Variants in RPS6KB1 observed in about 807,000 individuals in gnomAD.
RPS6KB1 encodes the protein ribosomal protein S6 kinase B1.
RPS6KB1 carries 12 observed loss-of-function variants against 70.2 expected under a neutral mutation model. The ratio of observed to expected loss-of-function variants is 0.17; its 90% CI spans 0.11 to 0.28. RPS6KB1 has a LOEUF of 0.28. Among genes scored for constraint, RPS6KB1 ranks in the 10% least tolerant of loss-of-function variants. The probability of loss-of-function intolerance (pLI) is 1.00; values close to 1 mark genes in which losing one functional copy is unlikely to be tolerated. For synonymous variants in RPS6KB1, 175 were observed against 211.2 expected (o/e 0.83, Z 1.49); for missense variants, 270 against 646.6 (o/e 0.42, Z 6.32).
At chr17:59,904,371 G>A (rs758099601) in intron 1 of RPS6KB1, among the ~76,000 whole-genome samples, 3 of 150,486 alleles carry the variant, frequency 2.0e-5, no homozygotes, top group Non-Finnish European at 3.0e-5. Flanking sequence ...GAGCCACTGC[G>A]CACAGCCCGG....
intron 4 of RPS6KB1, among the ~76,000 whole-genome samples, 165 bp downstream of exon 4, chr17:59,914,868 C>T (rs1394258514): frequency 6.6e-6 from 1 of 152,160 alleles, no homozygotes; most frequent in Non-Finnish European, 1.5e-5. Flanking sequence ...GTGGTGCACA[C>T]CTGTGGTCCC....
chr17:59,929,999 T>A (rs2043845711), intron 5 of RPS6KB1, 118 bp from the exon 6 acceptor site: 1 of 639,662 alleles, frequency 1.6e-6, no homozygotes, highest in Non-Finnish European at 2.8e-6. Context: ...CTGTTTTTCA[T>A]TTTTAAGGGG....
intron 2 of RPS6KB1, among the ~76,000 whole-genome samples, chr17:59,911,513 A>G (rs2042631364): frequency 7.6e-6 from 1 of 131,046 alleles, no homozygotes; most frequent in Admixed American, 8.1e-5. Flanking sequence ...GGAGCGCACC[A>G]CCACACCTGG....
chr17:59,936,659 A>C, intron 12 of RPS6KB1, 118 bp downstream of exon 12: 1 of 809,662 alleles, frequency 1.2e-6, no homozygotes, highest in Non-Finnish European at 2.1e-6. Flanking sequence ...CAGCATGGGC[A>C]ACATAACAAG....
At chr17:59,930,522 T>G (rs1598785036) in intron 6 of RPS6KB1, 1 of 203,720 alleles carries the variant, frequency 4.9e-6, no homozygotes, top group East Asian at 1.3e-4. Context: ...ATCATCCCTT[T>G]TTTTTTAGGC....
chr17:59,946,538 C>T lies in RPS6KB1; in HGVS notation c.1341-13C>T, dbSNP rs2044934692. On this transcript the variant is annotated splice_polypyrimidine_tract_variant and intron_variant, in intron 14 of 14. Transcript: ENST00000225577. The surrounding 1 kb of genome is among the most constrained non-coding windows in gnomAD (Gnocchi z 4.2). ...CTTAAGCAAATGAATGATAGCTCTT[C>T]CTTGTCTTAAAGCCCAGTCAAATTT... is the stretch of plus-strand genomic sequence containing the variant. 2 of 1,604,754 alleles carry T rather than the reference C, an allele frequency of 1.2e-6. No homozygotes were observed. Among genetic ancestry groups the T allele is most frequent in the African/African-American group, 2.7e-5 (2 of 74,740 alleles).
In RPS6KB1 at chr17:59,950,428, AGAAGT is replaced by A. The variant is rs1406198775; in HGVS notation, c.*3643_*3647del. On this transcript the variant is annotated 3_prime_UTR_variant, in exon 15 of 15. Transcript: ENST00000225577. ...AATGCAAATTTGAATGAACATAAAT[AGAAGT>A]GATTTATTTTTTTATTATCTTAAAG... 2 of 152,616 alleles carry A rather than the reference AGAAGT, an allele frequency of 1.3e-5. No individual in the cohort carries two copies. Among genetic ancestry groups the A allele is most frequent in the African/African-American group, 4.8e-5 (2 of 41,466 alleles). 9.5% of individuals were successfully genotyped at this position (152,616 alleles called of 1,614,324 possible).
intron 4 of RPS6KB1, among the ~76,000 whole-genome samples, chr17:59,923,350 G>A (rs1204529806): frequency 6.6e-6 from 1 of 151,890 alleles, no homozygotes; most frequent in East Asian, 1.9e-4. Context: ...ACTATCACAC[G>A]TGGCTAATTC....
chr17:59,919,570 T>A (rs2043153320), intron 4 of RPS6KB1, among the ~76,000 whole-genome samples: 1 of 152,108 alleles, frequency 6.6e-6, no homozygotes, highest in African/African-American at 2.4e-5. Context: ...TGGAGCTGAG[T>A]GAGAGAAGAT....
At position 59,947,722 on chromosome 17, in the gene RPS6KB1, A is replaced by G. The variant is rs2045010999; in HGVS notation, c.*934A>G. ...CTGTTCTTACACCAGTATTTGGTTC[A>G]AGACACCAAATGTCTTCAGCCCATG... On this transcript the variant is annotated 3_prime_UTR_variant, in exon 15 of 15. Coordinates refer to ENST00000225577, the MANE Select transcript of RPS6KB1 (RefSeq NM_003161.4). The G allele has an allele frequency of 1.5e-6, 1 of 680,594 alleles. No homozygotes were observed. Among genetic ancestry groups the G allele is most frequent in the Non-Finnish European group, 2.7e-6 (1 of 371,448 alleles). 42.2% of individuals were successfully genotyped at this position (680,594 alleles called of 1,614,324 possible). A position where few individuals can be genotyped will look rare whatever the true frequency, so the allele number is the denominator to read the frequency against.
chr17:59,925,513 T>C (rs1368611504), intron 4 of RPS6KB1, among the ~76,000 whole-genome samples: 1 of 152,216 alleles, frequency 6.6e-6, no homozygotes, highest in Non-Finnish European at 1.5e-5. Context: ...ATCTTCATTT[T>C]CTTATAGATC....
At chr17:59,901,316 A>G (rs985366094) in intron 1 of RPS6KB1, among the ~76,000 whole-genome samples, 1 of 151,262 alleles carries the variant, frequency 6.6e-6, no homozygotes, top group African/African-American at 2.4e-5. Flanking sequence ...CGCCCGGCTA[A>G]TGTTTTGTAT....
chr17:59,912,723 T>G lies in RPS6KB1; in HGVS notation c.231T>G (p.Thr77=). 1.2e-6 allele frequency: 2 copies of G among 1,613,928 alleles called. No homozygotes were observed. Among genetic ancestry groups the G allele is most frequent in the Non-Finnish European group, 1.7e-6 (2 of 1,179,852 alleles). The stretch of plus-strand genomic sequence containing the variant: ...GTGAGAAATTTGAAATCTCAGAAAC[T>G]AGTGTGAACAGAGGGCCAGAAAAAA... ...EHCEKFEISE[T]SVNRGPEKIR... Residue 77 remains threonine (T), a synonymous_variant, in exon 3 of 15, where the codon ACT becomes ACG. Transcript: ENST00000225577.
At chr17:59,908,501 G>A (rs540614240) in intron 1 of RPS6KB1, among the ~76,000 whole-genome samples, 6 of 149,750 alleles carry the variant, frequency 4.0e-5, no homozygotes, top group Non-Finnish European at 7.4e-5. Flanking sequence ...GCACCCAGCC[G>A]AAAATATACA....
intron 1 of RPS6KB1, among the ~76,000 whole-genome samples, chr17:59,908,965 T>C (rs1380262032): frequency 1.3e-4 from 17 of 129,082 alleles, no homozygotes; most frequent in East Asian, 4.8e-4. Context: ...TCGCTCTTGT[T>C]GCCCAGACTG....
At chr17:59,937,182 C>T (rs1416384472) in intron 12 of RPS6KB1, among the ~76,000 whole-genome samples, 1 of 152,130 alleles carries the variant, frequency 6.6e-6, no homozygotes, top group Non-Finnish European at 1.5e-5. Flanking sequence ...TATTTTTGTA[C>T]TATCTTGTAA....
At chr17:59,928,851 G>T (rs1211674361) in intron 5 of RPS6KB1, among the ~76,000 whole-genome samples, 1 of 152,096 alleles carries the variant, frequency 6.6e-6, no homozygotes, top group Non-Finnish European at 1.5e-5. Context: ...GAATGCTTTG[G>T]GTTTAGCTGA....
chr17:59,940,514 C>T (rs1371310516), intron 12 of RPS6KB1, among the ~76,000 whole-genome samples: 2 of 151,952 alleles, frequency 1.3e-5, no homozygotes, highest in Non-Finnish European at 2.9e-5. Flanking sequence ...TCTCAAACTC[C>T]TGACCTCATG....
intron 7 of RPS6KB1, 175 bp from the exon 8 acceptor site, chr17:59,933,995 G>A (rs2044095662): frequency 3.3e-6 from 2 of 597,228 alleles, no homozygotes; most frequent in South Asian, 2.1e-5. Flanking sequence ...CTTTGCCCTA[G>A]CCTTAAACAG....
Sources: gnomAD v4.1 joint callset for allele counts (sites outside exome capture counted in the v4.1 genomes callset) on GRCh38, gnomAD v4.1.1 for gene constraint, Gnocchi (gnomAD v3.1) non-coding constraint, MANE v1.5 for transcripts, NCBI Gene and HGNC (gene_info 2026-07-23, HGNC 2026-07-21) for gene names.